The following WFDC9 variants were observed in gnomAD, a reference collection of about 807,000 sequenced individuals.
The protein encoded by WFDC9 is protein WFDC9.
A neutral mutation model predicts 9.5 loss-of-function variants in WFDC9; 9 were observed. The ratio of observed to expected loss-of-function variants is 0.95; its 90% CI spans 0.57 to 1.65. The LOEUF (loss-of-function observed/expected upper bound fraction) is 1.65. Ranked by LOEUF, WFDC9 falls within the 40% of genes most tolerant of loss-of-function variation. WFDC9 has a pLI of 0.00. For missense variants in WFDC9, 87 were observed against 106.7 expected, an observed-to-expected ratio of 0.82 and a Z score of 0.81; for synonymous variants, 33 against 32.3, an observed-to-expected ratio of 1.02 and a Z score of -0.07.
intron 2 of WFDC9, among the ~76,000 whole-genome samples, chr20:45,613,085 A>G (rs1981896611): frequency 6.6e-6 from 1 of 152,186 alleles, no homozygotes. Context: ...TGACTGTTCA[A>G]ACTCATTAAA....
At chr20:45,629,851 G>C in intron 1 of WFDC9, 1 of 1,614,070 alleles carries the variant, frequency 6.2e-7, no homozygotes, top group Non-Finnish European at 8.5e-7. Flanking sequence ...CTGGTTCTCT[G>C]TGTGCTGCTG....
intron 1 of WFDC9, among the ~76,000 whole-genome samples, chr20:45,623,414 T>C (rs1302721826): frequency 2.0e-5 from 3 of 151,942 alleles, no homozygotes; most frequent in African/African-American, 7.3e-5. Flanking sequence ...CCGAGGCAGG[T>C]GGACCACCTG....
intron 1 of WFDC9, among the ~76,000 whole-genome samples, chr20:45,617,425 A>G (rs1370211866): frequency 6.6e-6 from 1 of 152,220 alleles, no homozygotes; most frequent in Non-Finnish European, 1.5e-5. Flanking sequence ...ACTGCACTCT[A>G]GCCTGGGTGA....
chr20:45,619,378 T>C (rs969949798), intron 1 of WFDC9, among the ~76,000 whole-genome samples: 1 of 152,162 alleles, frequency 6.6e-6, no homozygotes, highest in Non-Finnish European at 1.5e-5. Flanking sequence ...AATTTCCCAG[T>C]GCAGTATCTG....
chr20:45,622,414 C>T (rs1404306814), intron 1 of WFDC9, among the ~76,000 whole-genome samples: 1 of 152,212 alleles, frequency 6.6e-6, no homozygotes, highest in Non-Finnish European at 1.5e-5. Flanking sequence ...TTTGGGGCAA[C>T]TTCAATGCAT....
At chr20:45,610,816 GA>G (rs977237453) in intron 2 of WFDC9, among the ~76,000 whole-genome samples, 1 of 151,914 alleles carries the variant, frequency 6.6e-6, no homozygotes, top group Admixed American at 6.5e-5. Flanking sequence ...GAATTGTAGA[GA>G]AGATTTTGAA....
chr20:45,608,723 C>G lies in WFDC9; in HGVS notation c.179G>C (p.Cys60Ser). The G allele has an allele frequency of 6.2e-7, 1 of 1,614,072 alleles. No homozygotes were observed. Among genetic ancestry groups the G allele is most frequent in the Non-Finnish European group, 8.5e-7 (1 of 1,179,972 alleles). The change falls in exon 4 of 5, where the codon TGT becomes TCT. Residue 60 changes from cysteine to serine, a missense_variant. Physicochemically the swap from Cys to Ser is moderately radical, Grantham distance 112. Transcript: ENST00000326000. ...GCAGCATGTATGATTTGGACGTACA[C>G]AAGTCATTATTTTAGTACACCTTTT... ...CEKRCTKIMT[C>S]VRPNHTCCWT...
chr20:45,624,107 G>A (rs1172785101), intron 1 of WFDC9, among the ~76,000 whole-genome samples: 2 of 152,078 alleles, frequency 1.3e-5, no homozygotes, highest in Non-Finnish European at 2.9e-5. Context: ...CAGGAGAATG[G>A]CTTGAACCTG....
intron 1 of WFDC9, among the ~76,000 whole-genome samples, chr20:45,628,820 CATCA>C (rs1444527534): frequency 6.6e-6 from 1 of 152,198 alleles, no homozygotes; most frequent in African/African-American, 2.4e-5. Context: ...AGATTATCAT[CATCA>C]GAGGAAGAGG....
chr20:45,628,848 C>T (rs1383291000), intron 1 of WFDC9, among the ~76,000 whole-genome samples: 2 of 152,130 alleles, frequency 1.3e-5, no homozygotes, highest in African/African-American at 4.8e-5. Flanking sequence ...ATCTTCTTCC[C>T]AGCTTGCATG....
At chr20:45,616,475 C>T (rs192169815) in intron 1 of WFDC9, among the ~76,000 whole-genome samples, 2 of 152,324 alleles carry the variant, frequency 1.3e-5, no homozygotes, top group African/African-American at 4.8e-5. Context: ...TTGGAATCAA[C>T]TTCTTCCAGA....
rs1427929348 is a variant in WFDC9 at position 45,614,432 on chromosome 20, G to C, written c.-59+196C>G. ...GAGTGCTGGATTTAGTGTCAGGAAT[G>C]CTGAAATCTTTAGTTTCTGTCCCTT... On this transcript the variant is annotated intron_variant, in intron 2 of 4. Transcript: ENST00000326000. Among the ~76,000 whole-genome samples, 3 of 152,164 alleles carry C rather than the reference G, an allele frequency of 2.0e-5. No individual in the cohort carries two copies. In the South Asian group the frequency reaches 6.2e-4, roughly 32 times the overall value.
chr20:45,615,621 T>C (rs2030020210), intron 1 of WFDC9, among the ~76,000 whole-genome samples: 1 of 152,214 alleles, frequency 6.6e-6, no homozygotes, highest in African/African-American at 2.4e-5. Context: ...TTTATTTATA[T>C]ATTTATTTAA....
intron 1 of WFDC9, among the ~76,000 whole-genome samples, chr20:45,627,457 G>A (rs775359569): frequency 1.8e-4 from 28 of 152,110 alleles, no homozygotes; most frequent in Non-Finnish European, 3.5e-4. Flanking sequence ...CTGGACTTTT[G>A]TTTCAGGGGA....
At chr20:45,614,136 C>G (rs1896070326) in intron 2 of WFDC9, among the ~76,000 whole-genome samples, 1 of 152,152 alleles carries the variant, frequency 6.6e-6, no homozygotes, top group Admixed American at 6.5e-5. Context: ...TTCTTTCTTT[C>G]TTTCCCCTTG....
intron 1 of WFDC9, among the ~76,000 whole-genome samples, chr20:45,617,257 C>T (rs928299041): frequency 2.0e-5 from 3 of 152,166 alleles, no homozygotes; most frequent in African/African-American, 4.8e-5. Flanking sequence ...AATTTCGAGA[C>T]CAGCCTGGCC....
chr20:45,616,956 C>T (rs976577162), intron 1 of WFDC9, among the ~76,000 whole-genome samples: 3 of 152,118 alleles, frequency 2.0e-5, no homozygotes, highest in Non-Finnish European at 4.4e-5. Flanking sequence ...CTGCATTGGC[C>T]CCTAGCAAGA....
chr20:45,618,019 T>A (rs2145598380), intron 1 of WFDC9, among the ~76,000 whole-genome samples: 1 of 152,368 alleles, frequency 6.6e-6, no homozygotes, highest in South Asian at 2.1e-4. Flanking sequence ...ACAGTTCAAA[T>A]CTGTGTTGTT....
Position 45,608,119 on chromosome 20 carries a change from T to C in WFDC9, c.261A>G (p.Leu87=). The change falls in exon 5 of 5, where the codon CTA becomes CTG. Residue 87 remains leucine (L), a synonymous_variant. Transcript: ENST00000326000. ...LDNEEPLKSM[L]NP is the part of the protein sequence containing the mutation. Reference sequence around the variant, plus strand: ...GATCGGCCAATAGAATCTAGGGGTTTAGCATTGATTTAAGGGGCTCTCTAG... The same window carrying C: ...GATCGGCCAATAGAATCTAGGGGTTCAGCATTGATTTAAGGGGCTCTCTAG... 1 of 1,613,342 alleles carries C rather than the reference T, an allele frequency of 6.2e-7. No homozygotes were observed.
Sources: gnomAD v4.1 joint callset for allele counts (sites outside exome capture counted in the v4.1 genomes callset) on GRCh38, gnomAD v4.1.1 for gene constraint, MANE v1.5 for transcripts, NCBI Gene and HGNC (gene_info 2026-07-23, HGNC 2026-07-21) for gene names.